The following ZAP70 variants were observed in gnomAD, a reference collection of about 807,000 sequenced individuals.
The protein encoded by ZAP70 is zeta chain of T cell receptor associated protein kinase 70.
In ZAP70, 27 loss-of-function variants were observed where a neutral mutation model predicts 65.8. That is an observed-to-expected ratio of 0.41 (90% confidence interval 0.30 to 0.57). The LOEUF (loss-of-function observed/expected upper bound fraction) is 0.57. Among genes scored for constraint, ZAP70 ranks in the 20% least tolerant of loss-of-function variants. The pLI is 0.28. For missense variants in ZAP70, 696 were observed against 870.5 expected (o/e 0.80, Z 2.52); for synonymous variants, 363 against 360.8 (o/e 1.01, Z -0.07).
chr2:97,721,474 C>T (rs1392919629), intron 2 of ZAP70, among the ~76,000 whole-genome samples: 5 of 151,848 alleles, frequency 3.3e-5, no homozygotes, highest in African/African-American at 7.3e-5. Flanking sequence ...AGTGCAATGG[C>T]GTGACCTCAG....
intron 4 of ZAP70, among the ~76,000 whole-genome samples, chr2:97,732,240 A>G (rs1205237861): frequency 2.6e-5 from 4 of 152,200 alleles, no homozygotes; most frequent in Non-Finnish European, 4.4e-5. Flanking sequence ...AGGTCCATCT[A>G]TTATGGAACT....
intron 2 of ZAP70, among the ~76,000 whole-genome samples, chr2:97,722,110 C>T (rs913442630): frequency 6.0e-5 from 9 of 149,406 alleles, no homozygotes; most frequent in Non-Finnish European, 1.3e-4. Flanking sequence ...GACAGAGTTT[C>T]GCGCTTGTTG....
intron 4 of ZAP70, among the ~76,000 whole-genome samples, chr2:97,730,826 C>G (rs965648325): frequency 6.6e-6 from 1 of 152,130 alleles, no homozygotes; most frequent in East Asian, 1.9e-4. Flanking sequence ...GAGGCCGAGG[C>G]AGGTGGATCA....
the ZAP70 span, among the ~76,000 whole-genome samples, chr2:97,745,987 C>T: frequency 6.6e-6 from 1 of 152,154 alleles, no homozygotes; most frequent in South Asian, 2.1e-4. Context: ...GAACATTATC[C>T]AGCTGAAACA....
chr2:97,739,882 C>T (rs200558491), downstream of ZAP70: 7 of 252,612 alleles, frequency 2.8e-5, no homozygotes, highest in Non-Finnish European at 3.9e-5. Flanking sequence ...TCATCTTTTC[C>T]GGGGTGAGGG....
At chr2:97,730,901 A>G (rs1677570390) in intron 4 of ZAP70, among the ~76,000 whole-genome samples, 1 of 151,910 alleles carries the variant, frequency 6.6e-6, no homozygotes, top group South Asian at 2.1e-4. Flanking sequence ...TAAAAATACA[A>G]AAAATTAGCT....
At chr2:97,726,102 G>T (rs774959998) in intron 4 of ZAP70, among the ~76,000 whole-genome samples, 22 of 152,112 alleles carry the variant, frequency 1.4e-4, no homozygotes, top group Non-Finnish European at 2.8e-4. Flanking sequence ...GAATTAATAC[G>T]TGTGAATCGA....
At chr2:97,743,534 C>G (rs867154875), downstream of ZAP70, among the ~76,000 whole-genome samples, 1 of 152,158 alleles carries the variant, frequency 6.6e-6, no homozygotes, top group Non-Finnish European at 1.5e-5. Flanking sequence ...TAGGGTTTCA[C>G]CATATTGGTC....
At chr2:97,742,443 C>T (rs535289652), downstream of ZAP70, among the ~76,000 whole-genome samples, 4 of 152,366 alleles carry the variant, frequency 2.6e-5, no homozygotes, top group East Asian at 3.9e-4. Flanking sequence ...GCACAGAGCT[C>T]GCACCTTCTC....
At chr2:97,747,814 G>GTT in the ZAP70 span, among the ~76,000 whole-genome samples, 1 of 97,066 alleles carries the variant, frequency 1.0e-5, no homozygotes, top group South Asian at 3.3e-4. Context: ...ACTGGCACGA[G>GTT]GTTTTTTTTT....
rs1245330345 is a variant in ZAP70 at position 97,733,681 on chromosome 2, G to A, written c.889+86G>A. 11 of 1,551,318 alleles carry A rather than the reference G, an allele frequency of 7.1e-6. No homozygotes were observed. The East Asian group carries it at 2.5e-4, about 35-fold the overall frequency. On this transcript the variant is annotated intron_variant, in intron 8 of 13. Coordinates refer to ENST00000264972, the MANE Select transcript of ZAP70 (RefSeq NM_001079.4). ...TGTCAGGGCTGTGGGGTTTCACGGGGGGCGCTGTGGGCCGGGCCAGGCTGT... is the reference window on the plus strand; with the variant it reads ...TGTCAGGGCTGTGGGGTTTCACGGGAGGCGCTGTGGGCCGGGCCAGGCTGT...
intron 2 of ZAP70, among the ~76,000 whole-genome samples, chr2:97,722,308 C>T (rs913358807): frequency 2.7e-5 from 4 of 150,576 alleles, no homozygotes; most frequent in Non-Finnish European, 4.4e-5. Flanking sequence ...TCTCGAACTG[C>T]TGGTCTCAAG....
At chr2:97,732,027 G>T (rs1299372429) in intron 4 of ZAP70, among the ~76,000 whole-genome samples, 2 of 152,130 alleles carry the variant, frequency 1.3e-5, no homozygotes. Flanking sequence ...GGCTTCATGC[G>T]AGGGTGCCGG....
At chr2:97,726,649 T>C (rs745855227) in intron 4 of ZAP70, among the ~76,000 whole-genome samples, 6 of 152,256 alleles carry the variant, frequency 3.9e-5, no homozygotes, top group Non-Finnish European at 5.9e-5. Flanking sequence ...TGCAGCTCCC[T>C]CTCCAAGATT....
At chr2:97,720,673 A>C (rs1176043339) in intron 2 of ZAP70, among the ~76,000 whole-genome samples, 1 of 151,984 alleles carries the variant, frequency 6.6e-6, no homozygotes, top group Non-Finnish European at 1.5e-5. Context: ...TTTTAAAAAC[A>C]CTCTTGTGGA....
At position 97,733,312 on chromosome 2, in the gene ZAP70, C is replaced by A; in HGVS notation, c.806C>A (p.Thr269Lys). ...GCTCCCCCAGGGGCTGCTGCTCCCACACTCCCAGCCCACCCATCCACGTTG... is the reference window on the plus strand; with the variant it reads ...GCTCCCCCAGGGGCTGCTGCTCCCAAACTCCCAGCCCACCCATCCACGTTG... ...ASNASGAAAP[T>K]LPAHPSTLTH... The change falls in exon 7 of 14, where the codon ACA becomes AAA. Residue 269 changes from threonine to lysine, a missense_variant. Physicochemically the swap from Thr to Lys is moderately conservative, Grantham distance 78. This residue lies in a region of ZAP70 where 551 missense variants were observed against 630.0 expected (regional missense o/e 0.87). Coordinates refer to ENST00000264972, the MANE Select transcript of ZAP70 (RefSeq NM_001079.4). 1.3e-6 allele frequency: 2 copies of A among 1,599,294 alleles called. No homozygotes were observed. The highest frequency in any genetic ancestry group is 1.1e-5 in the South Asian group (1 of 88,884).
At chr2:97,721,443 T>C (rs149790629) in intron 2 of ZAP70, among the ~76,000 whole-genome samples, 1 of 152,308 alleles carries the variant, frequency 6.6e-6, no homozygotes, top group African/African-American at 2.4e-5. Context: ...AGACAGAGTC[T>C]CACTCTGTCG....
Position 97,739,655 on chromosome 2 carries a change from C to CA in ZAP70, c.*157_*158insA. 1 of 1,164,134 alleles carries CA rather than the reference C, an allele frequency of 8.6e-7. No individual in the cohort carries two copies. Among genetic ancestry groups the CA allele is most frequent in the South Asian group, 1.5e-5 (1 of 66,658 alleles). The allele number at this position is 1,164,134 out of a possible 1,614,324, so 72.1% of individuals were successfully genotyped here. On this transcript the variant is annotated 3_prime_UTR_variant, in exon 14 of 14. Coordinates refer to ENST00000264972, the MANE Select transcript of ZAP70 (RefSeq NM_001079.4). ...GGCCACACCGGCCTTGCATTGCCTGCCTGGCCCCCTGTCCTCTCTGGCTGG... is the reference window on the plus strand; with the variant it reads ...GGCCACACCGGCCTTGCATTGCCTGCACTGGCCCCCTGTCCTCTCTGGCTGG...
At chr2:97,752,541 G>A in the ZAP70 span, among the ~76,000 whole-genome samples, 1 of 152,234 alleles carries the variant, frequency 6.6e-6, no homozygotes, top group Non-Finnish European at 1.5e-5. Flanking sequence ...GATCACAGGA[G>A]TGTTTCTATA....
Sources: allele counts gnomAD v4.1 joint callset (sites outside exome capture counted in the v4.1 genomes callset), GRCh38; gene constraint gnomAD v4.1.1; regional missense constraint gnomAD v4.1.1; transcripts MANE v1.5; gene names NCBI Gene and HGNC (gene_info 2026-07-23, HGNC 2026-07-21).